The following TUBA3D variants were observed in gnomAD, a reference collection of about 807,000 sequenced individuals.
The protein encoded by TUBA3D is tubulin alpha-3D chain.
A neutral mutation model predicts 36.1 loss-of-function variants in TUBA3D; 24 were observed. That is an observed-to-expected ratio of 0.66 (90% CI 0.48 to 0.93). The LOEUF (loss-of-function observed/expected upper bound fraction) is 0.93, where lower values mean the gene tolerates loss of function less well. TUBA3D is among the 40% of genes least tolerant of loss of function. The pLI is 0.00. For synonymous variants in TUBA3D, 185 were observed against 247.2 expected (o/e 0.75, Z 2.36); for missense variants, 356 against 614.5 (o/e 0.58, Z 4.45).
At chr2:131,476,401 A>C (rs1450941116) in intron 1 of TUBA3D, among the ~76,000 whole-genome samples, 199 bp downstream of exon 1, 4 of 152,156 alleles carry the variant, frequency 2.6e-5, no homozygotes, top group Non-Finnish European at 4.4e-5. Context: ...TTTGTTTTAG[A>C]TGAAGCTGCC....
intron 2 of TUBA3D, chr2:131,478,860 C>G: frequency 4.8e-6 from 1 of 208,322 alleles, no homozygotes; most frequent in Non-Finnish European, 9.6e-6. Context: ...TTTCAGTGGC[C>G]CCCCAGGAGA....
rs1293568868 is a variant in TUBA3D at position 131,480,161 on chromosome 2, G to T, written c.468G>T (p.Arg156=). The T allele has an allele frequency of 6.2e-7, 1 of 1,613,744 alleles. No individual in the cohort carries two copies. The highest frequency in any genetic ancestry group is 8.5e-7 in the Non-Finnish European group (1 of 1,180,020). Residue 156 remains arginine (R), a synonymous_variant, in exon 4 of 5, where the codon CGG becomes CGT. Coordinates refer to ENST00000321253, the MANE Select transcript of TUBA3D (RefSeq NM_080386.4). ...GGTTCGCATCTCTGCTCATGGAGCGGCTCTCAGTGGATTACGGCAAGAAGT... is the reference window on the plus strand; with the variant it reads ...GGTTCGCATCTCTGCTCATGGAGCGTCTCTCAGTGGATTACGGCAAGAAGT... ...GSGFASLLME[R]LSVDYGKKSK... is the part of the protein sequence containing the mutation.
At position 131,480,509 on chromosome 2, in the gene TUBA3D, T is replaced by C. The variant is rs138331264; in HGVS notation, c.816T>C (p.Tyr272=). The C allele has an allele frequency of 0.029, 44,115 of 1,516,206 alleles. 7,698 individuals are homozygous for C. The highest frequency in any genetic ancestry group is 0.24 in the African/African-American group (11,544 of 47,914). 93.9% of individuals were successfully genotyped at this position (1,516,206 alleles called of 1,614,324 possible). The stretch of plus-strand genomic sequence containing the variant: ...GCATCCACTTCCCCCTGGCCACCTA[T>C]GCCCCAGTCATCTCAGCTGAGAAGG... ...YPRIHFPLAT[Y]APVISAEKAY... The change falls in exon 4 of 5, where the codon TAT becomes TAC. Residue 272 remains tyrosine, a synonymous_variant. Transcript: ENST00000321253.
rs779820681 is a variant in TUBA3D, at chr2:131,480,278, G to T, written c.585G>T (p.Leu195=). Residue 195 remains leucine, a synonymous_variant, in exon 4 of 5, where the codon CTG becomes CTT. Transcript: ENST00000321253. ...CCATCCTGACCACCCACACGACCCT[G>T]GAACATTCTGACTGTGCCTTCATGG... ...YNSILTTHTT[L]EHSDCAFMVD... The T allele has an allele frequency of 6.2e-7, 1 of 1,613,812 alleles. No homozygotes were observed. The highest frequency in any genetic ancestry group is 8.5e-7 in the Non-Finnish European group (1 of 1,180,034).
intron 4 of TUBA3D, 50 bp downstream of exon 4, chr2:131,480,799 A>T (rs764346577): frequency 6.3e-7 from 1 of 1,581,294 alleles, no homozygotes; most frequent in Non-Finnish European, 8.6e-7. Context: ...GATGCACAAA[A>T]TAACACTGGC....
At chr2:131,476,543 C>T (rs2463343) in intron 1 of TUBA3D, among the ~76,000 whole-genome samples, 9 of 152,096 alleles carry the variant, frequency 5.9e-5, no homozygotes, top group Non-Finnish European at 8.8e-5. Flanking sequence ...ACTGAGGAGC[C>T]CCAGGAGCCT....
intron 4 of TUBA3D, among the ~76,000 whole-genome samples, chr2:131,482,184 G>C (rs1559351770): frequency 6.6e-6 from 1 of 152,224 alleles, no homozygotes; most frequent in Non-Finnish European, 1.5e-5. Context: ...TGTGTACTCT[G>C]AATCTATCTG....
chr2:131,477,084 C>T (rs1289132672), intron 1 of TUBA3D, among the ~76,000 whole-genome samples: 1 of 150,798 alleles, frequency 6.6e-6, no homozygotes, highest in African/African-American at 2.4e-5. Context: ...GTTGCCCAGG[C>T]TGGAGCACAG....
At chr2:131,481,654 C>G (rs1244337636) in intron 4 of TUBA3D, among the ~76,000 whole-genome samples, 5 of 151,906 alleles carry the variant, frequency 3.3e-5, no homozygotes, top group African/African-American at 1.2e-4. Context: ...AGGCTGGTCT[C>G]GAACTCCTGG....
intron 2 of TUBA3D, 92 bp downstream of exon 2, chr2:131,478,478 A>C: frequency 7.4e-7 from 1 of 1,353,666 alleles, no homozygotes; most frequent in Non-Finnish European, 1.0e-6. Flanking sequence ...CCTCCTGCTG[A>C]AAGGATGGGA....
At position 131,482,584 on chromosome 2, in the gene TUBA3D, C is replaced by A. The variant is rs772685795; in HGVS notation, c.1089C>A (p.Val363=). The A allele has an allele frequency of 6.2e-7, 1 of 1,612,690 alleles. No individual in the cohort carries two copies. Among genetic ancestry groups the A allele is most frequent in the African/African-American group, 1.3e-5 (1 of 74,908 alleles). The change falls in exon 5 of 5, where the codon GTC becomes GTA. Residue 363 remains valine, a synonymous_variant. Transcript: ENST00000321253. The part of the protein sequence containing the change: ...VGINYQPPTV[V]PGGDLAKVQR... ...TTAACTACCAGCCCCCCACAGTGGT[C>A]CCCGGGGGAGACCTGGCCAAGGTGC... is the stretch of plus-strand genomic sequence containing the variant.
chr2:131,480,966 C>T (rs538158001), intron 4 of TUBA3D, among the ~76,000 whole-genome samples: 7 of 151,182 alleles, frequency 4.6e-5, no homozygotes, highest in Admixed American at 2.0e-4. Flanking sequence ...TGCAGTGGTG[C>T]GATCTCAGCT....
chr2:131,478,768 G>C lies in TUBA3D; in HGVS notation c.226+382G>C, dbSNP rs570372083. On this transcript the variant is annotated intron_variant, in intron 2 of 4. Transcript: ENST00000321253. ...CTTGACCTGCATCTTAGGCATAGAA[G>C]GTAAGTACAGAACAGTCATTTGCTT... 1.3e-4 allele frequency: 36 copies of C among 287,260 alleles called. No individual in the cohort carries two copies. The East Asian group carries it at 2.9e-3, about 24-fold the overall frequency. 17.8% of individuals were successfully genotyped at this position (287,260 alleles called of 1,614,324 possible). A position where few individuals can be genotyped will look rare whatever the true frequency, so the allele number is the denominator to read the frequency against.
Position 131,482,915 on chromosome 2 carries a change from A to G in TUBA3D, c.*67A>G. On this transcript the variant is annotated 3_prime_UTR_variant, in exon 5 of 5. Transcript: ENST00000321253. The stretch of plus-strand genomic sequence containing the variant: ...GCTGCTTCCAAGTTGTTTGCAATTA[A>G]AGGTTCTGTATAAAACCAAGCCCTC... 1 of 1,568,684 alleles carries G rather than the reference A, an allele frequency of 6.4e-7. No individual in the cohort carries two copies. Among genetic ancestry groups the G allele is most frequent in the Non-Finnish European group, 8.6e-7 (1 of 1,157,414 alleles).
intron 4 of TUBA3D, among the ~76,000 whole-genome samples, chr2:131,481,561 A>G (rs1294998808): frequency 1.3e-5 from 2 of 151,588 alleles, no homozygotes; most frequent in African/African-American, 4.9e-5. Context: ...CAGCCTCCCA[A>G]GTAGCTGGGA....
At position 131,480,675 on chromosome 2, in the gene TUBA3D, G is replaced by T. The variant is rs745718611; in HGVS notation, c.982G>T (p.Val328Phe). ...LYRGDVVPKD[V>F]NAAIATIKTK... Reference sequence around the variant, plus strand: ...CAGGGGGGACGTGGTCCCCAAAGACGTCAACGCGGCCATCGCCACCATCAA... The same window carrying T: ...CAGGGGGGACGTGGTCCCCAAAGACTTCAACGCGGCCATCGCCACCATCAA... The change falls in exon 4 of 5, where the codon GTC becomes TTC. Residue 328 changes from valine to phenylalanine, a missense_variant. Coordinates refer to ENST00000321253, the MANE Select transcript of TUBA3D (RefSeq NM_080386.4). 1 of 1,613,866 alleles carries T rather than the reference G, an allele frequency of 6.2e-7. No individual in the cohort carries two copies. The highest frequency in any genetic ancestry group is 1.1e-5 in the South Asian group (1 of 91,074).
At position 131,480,709 on chromosome 2, in the gene TUBA3D, G is replaced by A. The variant is rs756357409; in HGVS notation, c.1016G>A (p.Arg339His). Residue 339 changes from arginine to histidine, a missense_variant, in exon 4 of 5, where the codon CGC (arginine) becomes CAC (histidine). By Grantham distance (29) the Arg-to-His change is conservative (BLOSUM62 0). Transcript: ENST00000321253. ...NAAIATIKTK[R>H]TIQFVDWCPT... Reference sequence around the variant, plus strand: ...GCCATCGCCACCATCAAGACCAAGCGCACCATCCAGTTTGTGGATTGGTGC... The same window carrying A: ...GCCATCGCCACCATCAAGACCAAGCACACCATCCAGTTTGTGGATTGGTGC... 14 of 1,612,220 alleles carry A rather than the reference G, an allele frequency of 8.7e-6. No individual in the cohort carries two copies. The highest frequency in any genetic ancestry group is 4.0e-5 in the African/African-American group (3 of 74,344).
chr2:131,479,941 G>T, intron 3 of TUBA3D, 128 bp from the exon 4 acceptor site: 4 of 1,355,232 alleles, frequency 3.0e-6, no homozygotes, highest in Non-Finnish European at 4.0e-6. Flanking sequence ...AAAGTGTACT[G>T]CATGTTTATT....
At chr2:131,478,075 T>C in intron 1 of TUBA3D, 89 bp from the exon 2 acceptor site, 2 of 1,517,644 alleles carry the variant, frequency 1.3e-6, no homozygotes, top group African/African-American at 1.4e-5. Context: ...TGAAGCAGTA[T>C]ATAAATATTA....
Sources: gnomAD v4.1 joint callset for allele counts (sites outside exome capture counted in the v4.1 genomes callset) on GRCh38, gnomAD v4.1.1 for gene constraint, MANE v1.5 for transcripts, NCBI Gene and HGNC (gene_info 2026-07-23, HGNC 2026-07-21) for gene names.